WDR70: variants seen among roughly 807,000 people sequenced by gnomAD.
WDR70 encodes the protein WD repeat-containing protein 70.
In WDR70, 53 loss-of-function variants were observed where a neutral mutation model predicts 88.6. The ratio of observed to expected loss-of-function variants is 0.60; its 90% confidence interval spans 0.48 to 0.75. WDR70 has a LOEUF of 0.75. Ranked by LOEUF, WDR70 falls within the 30% of genes least tolerant of loss-of-function variation. WDR70 has a pLI of 0.00. For synonymous variants in WDR70, 280 were observed against 270.0 expected (o/e 1.04, Z -0.36); for missense variants, 610 against 823.2 (o/e 0.74, Z 3.17).
intron 9 of WDR70, among the ~76,000 whole-genome samples, chr5:37,585,067 T>A (rs1743327561): frequency 6.7e-6 from 1 of 150,200 alleles, no homozygotes; most frequent in South Asian, 2.1e-4. Context: ...ATCGGCTCAC[T>A]GCAACCTCTG....
At chr5:37,403,974 C>T (rs1749277316) in intron 5 of WDR70, among the ~76,000 whole-genome samples, 1 of 152,118 alleles carries the variant, frequency 6.6e-6, no homozygotes, top group South Asian at 2.1e-4. Context: ...CTCTTGGCCT[C>T]AAGTGATCCT....
chr5:37,497,140 T>TTTCACTCCCCTTCC (rs1740240532), intron 8 of WDR70, among the ~76,000 whole-genome samples: 2 of 152,014 alleles, frequency 1.3e-5, no homozygotes, highest in South Asian at 4.2e-4. Flanking sequence ...CTTTCTTTTC[T>TTTCACTCCCCTTCC]TTCACTCCCC....
chr5:37,443,580 C>T lies in WDR70; in HGVS notation c.686+208C>T, dbSNP rs1213011204. On this transcript the variant is annotated intron_variant, in intron 7 of 17. Transcript: ENST00000265107. ...ATAAACTTATATTTTAGGCTGGGCG[C>T]GGTGGCTCACACTTGTAATTCCAGA... Among the ~76,000 whole-genome samples, 6 of 152,166 alleles carry T rather than the reference C, an allele frequency of 3.9e-5. 1 individual carries two copies. The highest frequency in any genetic ancestry group is 4.1e-4 in the South Asian group (2 of 4,828).
intron 7 of WDR70, among the ~76,000 whole-genome samples, chr5:37,463,666 G>A (rs879431041): frequency 6.6e-6 from 1 of 152,146 alleles, no homozygotes; most frequent in Non-Finnish European, 1.5e-5. Flanking sequence ...TCATGACTCC[G>A]GTTTACTGGT....
chr5:37,572,316 A>G (rs1298120910), intron 9 of WDR70, among the ~76,000 whole-genome samples: 1 of 151,926 alleles, frequency 6.6e-6, no homozygotes, highest in African/African-American at 2.4e-5. Flanking sequence ...CCACCAAGAA[A>G]AGAGGCTGCT....
intron 7 of WDR70, among the ~76,000 whole-genome samples, chr5:37,462,649 A>G (rs1739043414): frequency 6.6e-6 from 1 of 152,158 alleles, no homozygotes; most frequent in Non-Finnish European, 1.5e-5. Flanking sequence ...GCAATAATTA[A>G]GACATGTACT....
At chr5:37,556,820 C>G (rs865816901) in intron 9 of WDR70, among the ~76,000 whole-genome samples, 3 of 152,096 alleles carry the variant, frequency 2.0e-5, no homozygotes, top group Admixed American at 6.6e-5. Flanking sequence ...TTCTATAACA[C>G]TATAAAAGGA....
At chr5:37,714,400 A>C (rs141448032) in intron 13 of WDR70, among the ~76,000 whole-genome samples, 341 of 152,326 alleles carry the variant, frequency 2.2e-3, no homozygotes, top group Non-Finnish European at 4.1e-3. Context: ...TTGGGTTTAC[A>C]CTGTGGGTCT....
At chr5:37,483,356 C>T (rs761668673) in intron 8 of WDR70, among the ~76,000 whole-genome samples, 17 of 151,968 alleles carry the variant, frequency 1.1e-4, no homozygotes, top group Admixed American at 5.9e-4. Flanking sequence ...CATCTTGCAC[C>T]GCCCTTAATC....
At chr5:37,444,791 C>G (rs1276999883) in intron 7 of WDR70, among the ~76,000 whole-genome samples, 1 of 152,240 alleles carries the variant, frequency 6.6e-6, no homozygotes, top group Non-Finnish European at 1.5e-5. Context: ...CTAGGGGTAG[C>G]GTGGAGGTCG....
chr5:37,476,111 A>G (rs928071785), intron 7 of WDR70, among the ~76,000 whole-genome samples: 1 of 152,004 alleles, frequency 6.6e-6, no homozygotes, highest in African/African-American at 2.4e-5. Flanking sequence ...TCAGCCTCCC[A>G]AAGTGCTGGG....
At chr5:37,520,379 A>G (rs151080812) in intron 9 of WDR70, among the ~76,000 whole-genome samples, 182 of 152,230 alleles carry the variant, frequency 1.2e-3, no homozygotes, top group African/African-American at 4.3e-3. Context: ...CAATCTATAC[A>G]AGTAAGAATG....
At chr5:37,529,081 C>G (rs1741402286) in intron 9 of WDR70, among the ~76,000 whole-genome samples, 1 of 152,026 alleles carries the variant, frequency 6.6e-6, no homozygotes, top group Non-Finnish European at 1.5e-5. Flanking sequence ...AATAGAGTGT[C>G]TTTTCCCCAC....
chr5:37,626,800 G>GTAAT (rs1487067223), intron 10 of WDR70, among the ~76,000 whole-genome samples: 1 of 152,060 alleles, frequency 6.6e-6, no homozygotes, highest in African/African-American at 2.4e-5. Flanking sequence ...CTCATGACTT[G>GTAAT]TAATTGGTCT....
At chr5:37,626,157 T>G (rs962347380) in intron 10 of WDR70, among the ~76,000 whole-genome samples, 1 of 152,208 alleles carries the variant, frequency 6.6e-6, no homozygotes, top group Non-Finnish European at 1.5e-5. Context: ...TCCATTAGTA[T>G]GTTGAATAAG....
At chr5:37,726,462 T>G (rs896754411) in intron 16 of WDR70, among the ~76,000 whole-genome samples, 2 of 152,190 alleles carry the variant, frequency 1.3e-5, no homozygotes, top group African/African-American at 2.4e-5. Flanking sequence ...TTGTTTTCTC[T>G]TATAATACTC....
chr5:37,488,473 A>G, intron 8 of WDR70, among the ~76,000 whole-genome samples: 1 of 146,124 alleles, frequency 6.8e-6, no homozygotes, highest in South Asian at 2.2e-4. Flanking sequence ...TACATTATGT[A>G]GGCTTTCTTT....
At chr5:37,483,782 C>G (rs1334590223) in intron 8 of WDR70, among the ~76,000 whole-genome samples, 3 of 150,412 alleles carry the variant, frequency 2.0e-5, no homozygotes, top group Non-Finnish European at 4.4e-5. Context: ...GCTGACCCCC[C>G]ACCTCCCTCC....
intron 5 of WDR70, among the ~76,000 whole-genome samples, chr5:37,414,884 C>A (rs1200501905): frequency 1.3e-5 from 2 of 148,530 alleles, no homozygotes; most frequent in Non-Finnish European, 3.0e-5. Flanking sequence ...AGCAGATAAA[C>A]AAGTGAACAA....
Sources: allele counts gnomAD v4.1 joint callset (sites outside exome capture counted in the v4.1 genomes callset), GRCh38; gene constraint gnomAD v4.1.1; transcripts MANE v1.5; gene names NCBI Gene and HGNC (gene_info 2026-07-23, HGNC 2026-07-21).